The following CIPC variants were observed in gnomAD, a reference collection of about 807,000 sequenced individuals.
CIPC encodes the protein CLOCK interacting pacemaker, also known as CLOCK-interacting pacemaker.
Under a neutral mutation model 26.7 loss-of-function variants are expected in CIPC, and 12 were observed. The observed-to-expected ratio is 0.45, with a 90% confidence interval of 0.29 to 0.73. The LOEUF is 0.73. Ranked by LOEUF, CIPC falls within the 30% of genes least tolerant of loss-of-function variation. The pLI, the probability that CIPC is intolerant of heterozygous loss-of-function variation, is 0.12. For synonymous variants in CIPC, 170 were observed against 189.8 expected (o/e 0.90, Z 0.86); for missense variants, 417 against 486.5 (o/e 0.86, Z 1.34).
Position 77,113,859 on chromosome 14 carries a change from C to T in CIPC, c.741C>T (p.Ser247=), listed in dbSNP as rs1886754380. 6 of 1,614,020 alleles carry T rather than the reference C, an allele frequency of 3.7e-6. No individual in the cohort carries two copies. The highest frequency in any genetic ancestry group is 3.3e-5 in the Admixed American group (2 of 60,010). ...GGSPQTLQPV[S]SSHVAKAPSL... ...GTCCACAGACTCTTCAGCCGGTATC[C>T]AGCAGTCACGTGGCTAAAGCTCCCA... Residue 247 remains serine (S), a synonymous_variant, in exon 4 of 4, where the codon TCC becomes TCT. Coordinates refer to ENST00000361786, the MANE Select transcript of CIPC (RefSeq NM_033426.3).
In CIPC at chr14:77,113,719, G is replaced by A. The variant is rs746759837; in HGVS notation, c.601G>A (p.Glu201Lys). The A allele has an allele frequency of 8.1e-6, 13 of 1,612,498 alleles. No individual in the cohort carries two copies. The highest frequency in any genetic ancestry group is 1.3e-5 in the African/African-American group (1 of 74,964). ...ACTTGGGCCTAGCTTGTCTTCCAGT[G>A]AGCCAACCAAGGCTGGTGCTGTCCC... is the stretch of plus-strand genomic sequence containing the variant. ...ERLGPSLSSS[E>K]PTKAGAVPSS... The change falls in exon 4 of 4, where the codon GAG (glutamate) becomes AAG (lysine). Residue 201 changes from glutamate (E) to lysine (K), a missense_variant. Coordinates refer to ENST00000361786, the MANE Select transcript of CIPC (RefSeq NM_033426.3).
rs772876235 is a variant in CIPC, at chr14:77,114,539, G to A, written c.*221G>A. On this transcript the variant is annotated 3_prime_UTR_variant, in exon 4 of 4. Transcript: ENST00000361786. Reference sequence around the variant, plus strand: ...TCCCACTGAGGACCTCAGTTTGGGAGTGCCCTTGAGCCCCTTTTCCTTAGC... The same window carrying A: ...TCCCACTGAGGACCTCAGTTTGGGAATGCCCTTGAGCCCCTTTTCCTTAGC... The A allele has an allele frequency of 5.0e-5, 26 of 522,332 alleles. No individual in the cohort carries two copies. The highest frequency in any genetic ancestry group is 7.4e-5 in the Non-Finnish European group (22 of 295,386). 32.4% of individuals were successfully genotyped at this position (522,332 alleles called of 1,614,324 possible). A position where few individuals can be genotyped will look rare whatever the true frequency, so the allele number is the denominator to read the frequency against.
intron 1 of CIPC, among the ~76,000 whole-genome samples, chr14:77,100,375 G>A: frequency 6.6e-6 from 1 of 151,272 alleles, no homozygotes; most frequent in East Asian, 1.9e-4. Flanking sequence ...TTGAGAAGCT[G>A]GGATTACAGG....
intron 1 of CIPC, chr14:77,099,974 C>T (rs147665750): frequency 8.9e-4 from 135 of 152,266 alleles, no homozygotes; most frequent in African/African-American, 2.8e-3. Context: ...ATTTCTGTGA[C>T]TGCTAAGCTA....
chr14:77,106,750 G>A (rs1375435066), intron 2 of CIPC, among the ~76,000 whole-genome samples: 1 of 152,128 alleles, frequency 6.6e-6, no homozygotes, highest in Non-Finnish European at 1.5e-5. Context: ...CTTTAGATTG[G>A]CATATTTTCT....
chr14:77,100,803 A>G (rs1886466060), intron 1 of CIPC, among the ~76,000 whole-genome samples: 1 of 152,164 alleles, frequency 6.6e-6, no homozygotes, highest in South Asian at 2.1e-4. Flanking sequence ...TCCTGACCTC[A>G]GGTGATCCAT....
At chr14:77,112,701 GTTTT>G (rs200023584) in intron 3 of CIPC, among the ~76,000 whole-genome samples, 1 of 147,970 alleles carries the variant, frequency 6.8e-6, no homozygotes, top group Non-Finnish European at 1.5e-5. Context: ...TTTTCTTTCT[GTTTT>G]TTTTTGTTGT....
chr14:77,110,087 C>T, intron 3 of CIPC, 106 bp downstream of exon 3: 1 of 1,156,674 alleles, frequency 8.6e-7, no homozygotes, highest in South Asian at 1.5e-5. Flanking sequence ...ATTTTAGAAA[C>T]AGACCATTAG....
At chr14:77,112,910 A>G (rs113193922) in intron 3 of CIPC, among the ~76,000 whole-genome samples, 6,430 of 152,118 alleles carry the variant, frequency 0.042, 429 homozygotes, top group African/African-American at 0.14. Context: ...ACGGGGTTTC[A>G]CACGTTGGCC....
intron 2 of CIPC, among the ~76,000 whole-genome samples, chr14:77,108,482 A>G (rs1453995938): frequency 6.6e-6 from 1 of 152,136 alleles, no homozygotes; most frequent in African/African-American, 2.4e-5. Flanking sequence ...ACCTGAGGTC[A>G]GGAATTCGAG....
At chr14:77,111,942 A>G (rs1213594699) in intron 3 of CIPC, among the ~76,000 whole-genome samples, 1 of 152,228 alleles carries the variant, frequency 6.6e-6, no homozygotes, top group Non-Finnish European at 1.5e-5. Context: ...CTCCTATGAC[A>G]AGGAAATATG....
chr14:77,105,536 C>T lies in CIPC; in HGVS notation c.-52-121C>T. 5.0e-6 allele frequency: 3 copies of T among 598,378 alleles called. No homozygotes were observed. The South Asian group carries it at 9.3e-5, about 19-fold the overall frequency. The allele number at this position is 598,378 out of a possible 1,614,324, so 37.1% of individuals were successfully genotyped here. A position where few individuals can be genotyped will look rare whatever the true frequency, so the allele number is the denominator to read the frequency against. ...ACTTGAAGCTTTTGTCAGTTGAAAC[C>T]TCTGAGAAAATAAAGCTGAAGTGGG... On this transcript the variant is annotated intron_variant, in intron 1 of 3. Coordinates refer to ENST00000361786, the MANE Select transcript of CIPC (RefSeq NM_033426.3).
chr14:77,104,521 C>G (rs1446665309), intron 1 of CIPC, among the ~76,000 whole-genome samples: 3 of 152,220 alleles, frequency 2.0e-5, no homozygotes, highest in Non-Finnish European at 2.9e-5. Context: ...CCTGTCTGTT[C>G]CCTGACTACC....
intron 2 of CIPC, 72 bp downstream of exon 2, chr14:77,105,916 C>G (rs1886583030): frequency 6.4e-7 from 1 of 1,562,526 alleles, no homozygotes; most frequent in Non-Finnish European, 8.8e-7. Flanking sequence ...CCCCAAAACT[C>G]ATTTATGTGA....
chr14:77,102,389 C>T (rs971372227), intron 1 of CIPC, among the ~76,000 whole-genome samples: 2 of 152,152 alleles, frequency 1.3e-5, no homozygotes, highest in Non-Finnish European at 2.9e-5. Context: ...AAAGCAACAA[C>T]AAAGTGCTCA....
At position 77,105,845 on chromosome 14, in the gene CIPC, G is replaced by A. The variant is rs1886581396; in HGVS notation, c.136+1G>A. On this transcript the variant is annotated splice_donor_variant, in intron 2 of 3. Coordinates refer to ENST00000361786, the MANE Select transcript of CIPC (RefSeq NM_033426.3). LOFTEE classifies it high-confidence loss of function. ...TCAGACAAGGACTCTGGCTTTTCAG[G>A]TTAAAAATATCTTATCCTTCCTCTG... 6.2e-7 allele frequency: 1 copy of A among 1,613,022 alleles called. No individual in the cohort carries two copies. Among genetic ancestry groups the A allele is most frequent in the Non-Finnish European group, 8.5e-7 (1 of 1,179,666 alleles).
chr14:77,109,924 G>T lies in CIPC; in HGVS notation c.249G>T (p.Lys83Asn). ...CGAGGCAGAACTCCAAAACTGCAAA[G>T]AATGCCTTCCCTACCCTGTCTCCCA... is the stretch of plus-strand genomic sequence containing the variant. Reference protein sequence around the residue: ...DRPRQNSKTAKNAFPTLSPMV... With the variant: ...DRPRQNSKTANNAFPTLSPMV... Residue 83 changes from lysine (K) to asparagine (N), a missense_variant, in exon 3 of 4, where the codon AAG (lysine) becomes AAT (asparagine). By Grantham distance (94) the Lys-to-Asn change is moderately conservative. Transcript: ENST00000361786. 1 of 1,614,194 alleles carries T rather than the reference G, an allele frequency of 6.2e-7. No homozygotes were observed. Among genetic ancestry groups the T allele is most frequent in the Non-Finnish European group, 8.5e-7 (1 of 1,180,036 alleles).
chr14:77,113,142 G>C (rs1188260760), intron 3 of CIPC, among the ~76,000 whole-genome samples: 1 of 152,186 alleles, frequency 6.6e-6, no homozygotes, highest in African/African-American at 2.4e-5. Context: ...TGTTGTTTCA[G>C]TTGTGACCTT....
In CIPC at chr14:77,109,561, G is replaced by T. The variant is rs941655683; in HGVS notation, c.137-251G>T. ...TGAGCCCTAATTGAGGCAGGTTTTTGTCTGTAAGAGAGTTAGAAAGGAAGT... is the reference window on the plus strand; with the variant it reads ...TGAGCCCTAATTGAGGCAGGTTTTTTTCTGTAAGAGAGTTAGAAAGGAAGT... On this transcript the variant is annotated intron_variant, in intron 2 of 3. Transcript: ENST00000361786. 1.6e-4 allele frequency among the ~76,000 whole-genome samples: 25 copies of T among 152,172 alleles called. 1 individual carries two copies. Among genetic ancestry groups the T allele is most frequent in the Admixed American group, 6.5e-5 (1 of 15,288 alleles).
Sources: gnomAD v4.1 joint callset for allele counts (sites outside exome capture counted in the v4.1 genomes callset) on GRCh38, gnomAD v4.1.1 for gene constraint, MANE v1.5 for transcripts, NCBI Gene and HGNC (gene_info 2026-07-23, HGNC 2026-07-21) for gene names.